PPP1R13L: variants seen among roughly 807,000 people sequenced by gnomAD.
The protein encoded by PPP1R13L is relA-associated inhibitor.
Under a neutral mutation model 80.9 loss-of-function variants are expected in PPP1R13L, and 50 were observed. That is an observed-to-expected ratio of 0.62 (90% CI 0.49 to 0.78). The LOEUF (loss-of-function observed/expected upper bound fraction) is 0.78, where lower values mean the gene tolerates loss of function less well. PPP1R13L is among the 30% of genes least tolerant of loss of function. The probability of loss-of-function intolerance (pLI) is 0.00; values close to 1 mark genes in which losing one functional copy is unlikely to be tolerated. For synonymous variants in PPP1R13L, 602 were observed against 534.3 expected, an observed-to-expected ratio of 1.13 and a Z score of -1.75; for missense variants, 1,200 against 1,205.9, an observed-to-expected ratio of 1.00 and a Z score of 0.07.
At position 45,382,530 on chromosome 19, in the gene PPP1R13L, G is replaced by A. The variant is rs1568552740; in HGVS notation, c.2445C>T (p.Phe815=). 1 of 1,612,372 alleles carries A rather than the reference G, an allele frequency of 6.2e-7. No individual in the cohort carries two copies. Among genetic ancestry groups the A allele is most frequent in the Non-Finnish European group, 8.5e-7 (1 of 1,179,276 alleles). ...ATGACTTCTCCCCTGGGCTCACCCC[G>A]AAGTAGTTCCGCGGCACGTAGCCCT... ...GQEGYVPRNY[F]GLFPRVKPQR... The change falls in exon 12 of 13, where the codon TTC becomes TTT. Residue 815 remains phenylalanine (F), a synonymous_variant. Transcript: ENST00000360957.
rs1973063095 is a variant in PPP1R13L, at chr19:45,395,476, G to T, written c.1314C>A (p.Ala438=). 6.6e-7 allele frequency: 1 copy of T among 1,510,170 alleles called. No individual in the cohort carries two copies. The highest frequency in any genetic ancestry group is 1.4e-5 in the African/African-American group (1 of 72,490). The allele number at this position is 1,510,170 out of a possible 1,614,324, so 93.5% of individuals were successfully genotyped here. A position where few individuals can be genotyped will look rare whatever the true frequency, so the allele number is the denominator to read the frequency against. The part of the protein sequence containing the change: ...PQTQPQTPTP[A]PQHPQQTWPP... ...GCCATGTCTGTTGGGGATGCTGGGGGGCTGGGGTAGGGGTTTGGGGTTGGG... is the reference window on the plus strand; with the variant it reads ...GCCATGTCTGTTGGGGATGCTGGGGTGCTGGGGTAGGGGTTTGGGGTTGGG... Residue 438 remains alanine, a synonymous_variant, in exon 7 of 13, where the codon GCC becomes GCA. Coordinates refer to ENST00000360957, the MANE Select transcript of PPP1R13L (RefSeq NM_006663.4).
At position 45,395,740 on chromosome 19, in the gene PPP1R13L, G is replaced by A; in HGVS notation, c.1050C>T (p.Ser350=). ...GGCTGGAGGGGGGCATGGGGATGCG[G>A]CTGACGGGCTGCCAGCTGCGAGGCA... The part of the protein sequence containing the change: ...GTLPRSWQPV[S]RIPMPPSSPQ... The change falls in exon 7 of 13, where the codon AGC becomes AGT. Residue 350 remains serine (S), a synonymous_variant. Transcript: ENST00000360957. 6.6e-7 allele frequency: 1 copy of A among 1,520,326 alleles called. No individual in the cohort carries two copies. The highest frequency in any genetic ancestry group is 1.4e-5 in the African/African-American group (1 of 73,280). The allele number at this position is 1,520,326 out of a possible 1,614,324, so 94.2% of individuals were successfully genotyped here.
chr19:45,385,819 C>T lies in PPP1R13L; in HGVS notation c.2081+5G>A. ...ACCCAGCCCACCGCGCGGGTCGGGG[C>T]TCACCAGCCGTGGCTGTCGGGGGAG... On this transcript the variant is annotated splice_donor_5th_base_variant and intron_variant, in intron 10 of 12. Coordinates refer to ENST00000360957, the MANE Select transcript of PPP1R13L (RefSeq NM_006663.4). The T allele has an allele frequency of 1.2e-6, 2 of 1,610,490 alleles. No individual in the cohort carries two copies. Among genetic ancestry groups the T allele is most frequent in the African/African-American group, 1.3e-5 (1 of 75,014 alleles).
rs778311683 is a variant in PPP1R13L at position 45,396,440 on chromosome 19, G to A, written c.713-4C>T. 2 of 1,613,850 alleles carry A rather than the reference G, an allele frequency of 1.2e-6. No homozygotes were observed. The highest frequency in any genetic ancestry group is 4.5e-5 in the East Asian group (2 of 44,880). On this transcript the variant is annotated splice_polypyrimidine_tract_variant and splice_region_variant and intron_variant, in intron 4 of 12. Transcript: ENST00000360957. The surrounding 1 kb of genome is among the most constrained non-coding windows in gnomAD (Gnocchi z 5.3). ...CGCCGGCGCAGCGTCAGGTCGTCTG[G>A]GGAGAAGTTTCCAGGGAGGATGAGA...
chr19:45,395,251 T>A, intron 7 of PPP1R13L, 185 bp downstream of exon 7: 1 of 785,350 alleles, frequency 1.3e-6, no homozygotes, highest in Non-Finnish European at 2.1e-6. Flanking sequence ...GGGTCCACAC[T>A]TAACCTTTGA....
intron 11 of PPP1R13L, among the ~76,000 whole-genome samples, chr19:45,384,896 A>C (rs1019521738): frequency 6.6e-6 from 1 of 152,022 alleles, no homozygotes; most frequent in African/African-American, 2.4e-5. Flanking sequence ...GGGTCTCTAC[A>C]ATGTCTTGTA....
intron 1 of PPP1R13L, among the ~76,000 whole-genome samples, chr19:45,399,416 A>T (rs1973185403): frequency 6.9e-6 from 1 of 144,816 alleles, no homozygotes; most frequent in African/African-American, 2.6e-5. Flanking sequence ...CGAGGTCAGG[A>T]GAGCGAGACC....
At chr19:45,399,655 C>T (rs1477551842) in intron 1 of PPP1R13L, among the ~76,000 whole-genome samples, 2 of 148,976 alleles carry the variant, frequency 1.3e-5, no homozygotes, top group Non-Finnish European at 3.0e-5. Flanking sequence ...ATGTTTAAAA[C>T]AACAACAACA....
intron 1 of PPP1R13L, among the ~76,000 whole-genome samples, chr19:45,404,524 C>A (rs1434851430): frequency 6.6e-6 from 1 of 152,206 alleles, no homozygotes; most frequent in African/African-American, 2.4e-5. Flanking sequence ...ACCTGTCCTG[C>A]TCCACTTCAG....
At chr19:45,388,965 T>C (rs1972917908) in intron 8 of PPP1R13L, among the ~76,000 whole-genome samples, 1 of 152,144 alleles carries the variant, frequency 6.6e-6, no homozygotes, top group African/African-American at 2.4e-5. Context: ...CTTGAACTCC[T>C]GACCTCAAGT....
At chr19:45,384,879 A>T (rs1165261350) in intron 11 of PPP1R13L, among the ~76,000 whole-genome samples, 1 of 152,062 alleles carries the variant, frequency 6.6e-6, no homozygotes, top group Non-Finnish European at 1.5e-5. Flanking sequence ...ATATTTGTAG[A>T]GACAGGGGGT....
chr19:45,382,772 TC>T, intron 11 of PPP1R13L, 46 bp from the exon 12 acceptor site: 1 of 1,599,044 alleles, frequency 6.3e-7, no homozygotes, highest in Admixed American at 1.7e-5. Flanking sequence ...GCCCAGGGGG[TC>T]CAGGAACAGG....
intron 8 of PPP1R13L, among the ~76,000 whole-genome samples, chr19:45,391,400 G>C (rs1235932501): frequency 6.6e-6 from 1 of 152,216 alleles, no homozygotes; most frequent in African/African-American, 2.4e-5. Flanking sequence ...CACAGGCACA[G>C]GTTATTGGAG....
chr19:45,399,961 T>A (rs567208590), intron 1 of PPP1R13L, among the ~76,000 whole-genome samples: 2 of 151,016 alleles, frequency 1.3e-5, no homozygotes, highest in East Asian at 1.9e-4. Flanking sequence ...AAAAAAAAAA[T>A]TAATTGAGGG....
chr19:45,380,345 C>T (rs1157353047), intron 12 of PPP1R13L, 117 bp from the exon 13 acceptor site: 1 of 1,140,974 alleles, frequency 8.8e-7, no homozygotes, highest in East Asian at 2.4e-5. Context: ...CAGCACCTCC[C>T]AAACTGCTCC....
chr19:45,394,402 C>G (rs1973039359), intron 7 of PPP1R13L, among the ~76,000 whole-genome samples: 1 of 152,120 alleles, frequency 6.6e-6, no homozygotes. Flanking sequence ...CATTAGCCCA[C>G]CAAACTGCTA....
In PPP1R13L at chr19:45,393,525, T is replaced by C. The variant is rs373421341; in HGVS notation, c.1355-1185A>G. On this transcript the variant is annotated intron_variant, in intron 7 of 12. Transcript: ENST00000360957. ...GAGAATCGCTTGAACCTGGGAGGTG[T>C]AGGATGCAGTGAGCTGAAACCTCAC... Among the ~76,000 whole-genome samples the C allele has an allele frequency of 1.5e-3, 233 of 151,246 alleles. 1 individual carries two copies. Among genetic ancestry groups the C allele is most frequent in the African/African-American group, 5.1e-3 (211 of 41,152 alleles).
At chr19:45,403,323 C>T (rs1973269064) in intron 1 of PPP1R13L, among the ~76,000 whole-genome samples, 2 of 152,186 alleles carry the variant, frequency 1.3e-5, no homozygotes, top group African/African-American at 4.8e-5. Context: ...CCTAAAAGGG[C>T]CCTTTCAACT....
chr19:45,399,417 G>T (rs1599778356), intron 1 of PPP1R13L, among the ~76,000 whole-genome samples: 1 of 149,040 alleles, frequency 6.7e-6, no homozygotes, highest in East Asian at 2.1e-4. Context: ...GAGGTCAGGA[G>T]AGCGAGACCA....
Sources: allele counts gnomAD v4.1 joint callset (sites outside exome capture counted in the v4.1 genomes callset), GRCh38; gene constraint gnomAD v4.1.1; non-coding constraint Gnocchi (gnomAD v3.1); transcripts MANE v1.5; gene names NCBI Gene and HGNC (gene_info 2026-07-23, HGNC 2026-07-21).